The following MARCHF1 variants were observed in gnomAD, a reference collection of about 807,000 sequenced individuals.
MARCHF1 encodes the protein membrane associated ring-CH-type finger 1.
A neutral mutation model predicts 54.2 loss-of-function variants in MARCHF1; 40 were observed. The ratio of observed to expected loss-of-function variants is 0.74; its 90% CI spans 0.57 to 0.96. The LOEUF (loss-of-function observed/expected upper bound fraction) is 0.96. Ranked by LOEUF, MARCHF1 falls within the 40% of genes least tolerant of loss-of-function variation. The pLI is 0.00. For synonymous variants in MARCHF1, 236 were observed against 236.3 expected (o/e 1.00, Z 0.01); for missense variants, 586 against 656.5 (o/e 0.89, Z 1.17).
At chr4:163,608,194 G>A (rs1301711112) in intron 7 of MARCHF1, among the ~76,000 whole-genome samples, 1 of 152,110 alleles carries the variant, frequency 6.6e-6, no homozygotes, top group East Asian at 1.9e-4. Context: ...TGCTATGGAA[G>A]TGACTGCCAG....
chr4:163,733,193 A>ATATATATATATATATATACACGTG (rs1745903114), intron 4 of MARCHF1, among the ~76,000 whole-genome samples: 7 of 21,786 alleles, frequency 3.2e-4, no homozygotes, highest in African/African-American at 8.8e-4. Context: ...ATATATATAT[A>ATATATATATATATATATACACGTG]TATATATATA....
intron 4 of MARCHF1, among the ~76,000 whole-genome samples, chr4:163,791,167 A>C (rs1438416822): frequency 6.6e-6 from 1 of 152,118 alleles, no homozygotes; most frequent in African/African-American, 2.4e-5. Flanking sequence ...GCATATAAGA[A>C]TGTGTTTTCT....
At chr4:164,029,215 G>A (rs1158152462) in intron 2 of MARCHF1, among the ~76,000 whole-genome samples, 2 of 152,036 alleles carry the variant, frequency 1.3e-5, no homozygotes, top group African/African-American at 2.4e-5. Context: ...AGTTCCACAG[G>A]CTATACAGGA....
chr4:164,241,515 G>C (rs573425279), intron 1 of MARCHF1, among the ~76,000 whole-genome samples: 1 of 152,208 alleles, frequency 6.6e-6, no homozygotes, highest in African/African-American at 2.4e-5. Context: ...TTGTGGTTTT[G>C]TCAAGAGGCC....
chr4:164,155,793 T>C (rs978531198), intron 1 of MARCHF1, among the ~76,000 whole-genome samples: 2 of 152,106 alleles, frequency 1.3e-5, no homozygotes, highest in Non-Finnish European at 2.9e-5. Context: ...AAACTGAACT[T>C]GTACCCCTTA....
chr4:163,691,698 C>T (rs1385969271), intron 5 of MARCHF1, among the ~76,000 whole-genome samples: 1 of 152,090 alleles, frequency 6.6e-6, no homozygotes, highest in Non-Finnish European at 1.5e-5. Flanking sequence ...CTGTAACCAA[C>T]CAAAATCCTG....
At chr4:164,354,414 C>T (rs1416482492) in intron 1 of MARCHF1, among the ~76,000 whole-genome samples, 1 of 135,482 alleles carries the variant, frequency 7.4e-6, no homozygotes, top group Non-Finnish European at 1.6e-5. Flanking sequence ...GCTTATCCAC[C>T]ATGATCAAGT....
chr4:163,914,337 T>C (rs1751260318), intron 3 of MARCHF1, among the ~76,000 whole-genome samples: 1 of 152,144 alleles, frequency 6.6e-6, no homozygotes, highest in African/African-American at 2.4e-5. Context: ...TTATGACATG[T>C]AAAAACTAAA....
chr4:163,666,698 A>C (rs1743545777), intron 5 of MARCHF1, among the ~76,000 whole-genome samples: 1 of 151,828 alleles, frequency 6.6e-6, no homozygotes, highest in South Asian at 2.1e-4. Flanking sequence ...TGTCACAAGA[A>C]ATTTTCAGAT....
At chr4:164,188,785 A>C in intron 1 of MARCHF1, 1 of 895,196 alleles carries the variant, frequency 1.1e-6, no homozygotes, top group Non-Finnish European at 1.9e-6. Context: ...GAGGTGGGCA[A>C]ACAAAGACAT....
intron 1 of MARCHF1, among the ~76,000 whole-genome samples, chr4:164,136,645 G>A (rs142387050): frequency 1.2e-4 from 18 of 152,254 alleles, no homozygotes; most frequent in African/African-American, 3.9e-4. Flanking sequence ...TGCTTGGGAC[G>A]CCTCAACCAC....
At chr4:163,984,375 G>A (rs530978087) in intron 3 of MARCHF1, among the ~76,000 whole-genome samples, 1 of 152,326 alleles carries the variant, frequency 6.6e-6, no homozygotes, top group South Asian at 2.1e-4. Context: ...TGTGTGGTCA[G>A]CTTGAGAGTG....
chr4:163,768,919 A>T (rs962114523), intron 4 of MARCHF1, among the ~76,000 whole-genome samples: 1 of 152,144 alleles, frequency 6.6e-6, no homozygotes, highest in East Asian at 1.9e-4. Context: ...TGCAACCATT[A>T]TATGTCAAAT....
At chr4:164,331,639 C>G (rs1274528303) in intron 1 of MARCHF1, among the ~76,000 whole-genome samples, 1 of 152,124 alleles carries the variant, frequency 6.6e-6, no homozygotes, top group Non-Finnish European at 1.5e-5. Context: ...TTTAATTTAT[C>G]CCATTTTCCT....
At chr4:163,899,959 T>G (rs1370981722) in intron 3 of MARCHF1, among the ~76,000 whole-genome samples, 3 of 152,070 alleles carry the variant, frequency 2.0e-5, no homozygotes, top group Non-Finnish European at 4.4e-5. Context: ...CTTAAAGTAT[T>G]TTTCCTAATA....
At chr4:164,310,702 T>C (rs545846630) in intron 1 of MARCHF1, among the ~76,000 whole-genome samples, 29 of 152,042 alleles carry the variant, frequency 1.9e-4, no homozygotes, top group Admixed American at 6.6e-4. Flanking sequence ...AGAAATTACA[T>C]AGCTGCTTAA....
chr4:163,572,146 G>A (rs1418351115), intron 8 of MARCHF1, among the ~76,000 whole-genome samples: 2 of 151,962 alleles, frequency 1.3e-5, no homozygotes, highest in Admixed American at 1.3e-4. Context: ...AGGGTAATGA[G>A]AAAGATTCAG....
intron 5 of MARCHF1, among the ~76,000 whole-genome samples, chr4:163,666,914 T>G (rs1183698917): frequency 6.6e-6 from 1 of 152,102 alleles, no homozygotes; most frequent in African/African-American, 2.4e-5. Context: ...CTCTGAGGAC[T>G]CTAATCTTTT....
At position 163,854,249 on chromosome 4, in the gene MARCHF1, C is replaced by A. The variant is rs1021422005; in HGVS notation, c.-38-80G>T. 1.6e-5 allele frequency: 18 copies of A among 1,102,844 alleles called. No homozygotes were observed. The African/African-American group carries it at 2.1e-4, about 13-fold the overall frequency. The allele number at this position is 1,102,844 out of a possible 1,614,324, so 68.3% of individuals were successfully genotyped here. A position where few individuals can be genotyped will look rare whatever the true frequency, so the allele number is the denominator to read the frequency against. Reference sequence around the variant, plus strand: ...AAAATACATATAATCAAAATTAAATCAACAATATAACAAAACACTAATTGA... The same window carrying A: ...AAAATACATATAATCAAAATTAAATAAACAATATAACAAAACACTAATTGA... On this transcript the variant is annotated intron_variant, in intron 3 of 9. Transcript: ENST00000514618.
Sources: gnomAD v4.1 joint callset for allele counts (sites outside exome capture counted in the v4.1 genomes callset) on GRCh38, gnomAD v4.1.1 for gene constraint, MANE v1.5 for transcripts, NCBI Gene and HGNC (gene_info 2026-07-23, HGNC 2026-07-21) for gene names.